LEKR1: variants seen among roughly 807,000 people sequenced by gnomAD.
LEKR1 encodes leucine, glutamate and lysine rich 1, also known as protein LEKR1.
In LEKR1, 59 loss-of-function variants were observed where a neutral mutation model predicts 72.4. That is an observed-to-expected ratio of 0.82 (90% CI 0.66 to 1.01). LEKR1 has a LOEUF of 1.01. Among genes scored for constraint, LEKR1 ranks in the 50% least tolerant of loss-of-function variants. The pLI, the probability that LEKR1 is intolerant of heterozygous loss-of-function variation, is 0.00. For synonymous variants in LEKR1, 257 were observed against 263.2 expected (o/e 0.98, Z 0.23); for missense variants, 728 against 759.2 (o/e 0.96, Z 0.48).
rs575153749 is a variant in LEKR1, at chr3:157,041,751, CAT to C, written c.1669-3587_1669-3586del. On this transcript the variant is annotated intron_variant, in intron 12 of 12. Coordinates refer to ENST00000356539, the MANE Select transcript of LEKR1 (RefSeq NM_001004316.3). Reference sequence around the variant, plus strand: ...TGGCCAAAGATAATTTTATCTAAAACATAGAATATTGTGCATGATTTTCAGTC... The same window carrying C: ...TGGCCAAAGATAATTTTATCTAAAACAGAATATTGTGCATGATTTTCAGTC... Among the ~76,000 whole-genome samples the C allele has an allele frequency of 1.6e-4, 25 of 151,998 alleles. No individual in the cohort carries two copies. In the East Asian group the frequency reaches 4.8e-3, roughly 29 times the overall value.
chr3:156,975,634 C>T (rs1729625068), intron 6 of LEKR1, among the ~76,000 whole-genome samples: 1 of 152,174 alleles, frequency 6.6e-6, no homozygotes, highest in Non-Finnish European at 1.5e-5. Flanking sequence ...TCTTAAATGA[C>T]TGATTATCCC....
chr3:156,861,017 G>A (rs1408741428), intron 3 of LEKR1, among the ~76,000 whole-genome samples: 2 of 152,166 alleles, frequency 1.3e-5, no homozygotes, highest in Non-Finnish European at 2.9e-5. Flanking sequence ...TTCACCTTAT[G>A]TGCTATTGGT....
intron 3 of LEKR1, among the ~76,000 whole-genome samples, chr3:156,881,607 A>C (rs1299205908): frequency 6.6e-6 from 1 of 151,446 alleles, no homozygotes. Flanking sequence ...TGCCATCCCC[A>C]TCAAGCTACC....
At chr3:156,895,347 C>T (rs1184364260) in intron 3 of LEKR1, among the ~76,000 whole-genome samples, 2 of 152,200 alleles carry the variant, frequency 1.3e-5, no homozygotes. Context: ...GGTGCAGTGG[C>T]TCACACCTTT....
At chr3:156,934,306 G>A (rs1725506117) in intron 5 of LEKR1, among the ~76,000 whole-genome samples, 1 of 152,168 alleles carries the variant, frequency 6.6e-6, no homozygotes, top group South Asian at 2.1e-4. Flanking sequence ...TAGGTGCTCA[G>A]TGAACTTTGT....
chr3:156,960,321 T>C (rs1464286663), intron 6 of LEKR1, among the ~76,000 whole-genome samples: 2 of 152,222 alleles, frequency 1.3e-5, no homozygotes, highest in Non-Finnish European at 2.9e-5. Flanking sequence ...AGTCTCACTC[T>C]GTTGCCCAGA....
chr3:156,881,673 A>G (rs1482220283), intron 3 of LEKR1, among the ~76,000 whole-genome samples: 2 of 148,682 alleles, frequency 1.3e-5, no homozygotes, highest in East Asian at 3.9e-4. Flanking sequence ...ATGGAACCAA[A>G]AAAGAGCCCG....
intron 3 of LEKR1, among the ~76,000 whole-genome samples, chr3:156,867,973 G>A (rs549681646): frequency 6.6e-5 from 10 of 152,182 alleles, no homozygotes; most frequent in African/African-American, 2.4e-4. Context: ...CTTATGTGTT[G>A]TTGTATATTG....
At chr3:156,921,251 C>T (rs550004133) in intron 4 of LEKR1, among the ~76,000 whole-genome samples, 1 of 151,878 alleles carries the variant, frequency 6.6e-6, no homozygotes, top group Non-Finnish European at 1.5e-5. Context: ...AGAATAGTTC[C>T]TTTTTGAATT....
chr3:156,865,474 T>A (rs1717199780), intron 3 of LEKR1, among the ~76,000 whole-genome samples: 1 of 152,052 alleles, frequency 6.6e-6, no homozygotes, highest in Admixed American at 6.6e-5. Flanking sequence ...CTGAGCATTA[T>A]CTTTGATTCT....
chr3:156,949,687 C>T (rs530741494), intron 6 of LEKR1, among the ~76,000 whole-genome samples: 1 of 151,296 alleles, frequency 6.6e-6, no homozygotes, highest in South Asian at 2.1e-4. Context: ...TACAAGAATT[C>T]TCAAGTAGAG....
chr3:156,934,961 A>G (rs1311208575), intron 5 of LEKR1, among the ~76,000 whole-genome samples: 2 of 152,176 alleles, frequency 1.3e-5, no homozygotes, highest in Non-Finnish European at 2.9e-5. Flanking sequence ...GCTATTGTAA[A>G]TAAGGCATCA....
In LEKR1 at chr3:157,005,361, A is replaced by C. The variant is rs116279370; in HGVS notation, c.1110-6052A>C. Among the ~76,000 whole-genome samples the C allele has an allele frequency of 5.7e-3, 864 of 152,234 alleles. 4 individuals carry two copies. The highest frequency in any genetic ancestry group is 0.02 in the African/African-American group (813 of 41,568). On this transcript the variant is annotated intron_variant, in intron 9 of 12. Transcript: ENST00000356539. ...TCCAGCCCAGAGGTTTTACTGGTGA[A>C]TTTTACCAAGCATTTAAGGAAAAGA...
chr3:156,875,839 CA>C (rs1197337566), intron 3 of LEKR1, among the ~76,000 whole-genome samples: 2 of 151,630 alleles, frequency 1.3e-5, no homozygotes, highest in South Asian at 4.2e-4. Flanking sequence ...ACTAAAAATA[CA>C]AAAAATTAGC....
At position 156,872,449 on chromosome 3, in the gene LEKR1, G is replaced by A. The variant is rs1208453056; in HGVS notation, c.263+19467G>A. Among the ~76,000 whole-genome samples the A allele has an allele frequency of 2.0e-5, 3 of 151,566 alleles. 1 individual carries two copies. The highest frequency in any genetic ancestry group is 7.3e-5 in the African/African-American group (3 of 41,256). On this transcript the variant is annotated intron_variant, in intron 3 of 12. Coordinates refer to ENST00000356539, the MANE Select transcript of LEKR1 (RefSeq NM_001004316.3). Reference sequence around the variant, plus strand: ...TGTAGTCTCTATTTTGTTGAGTTCTGCTCCAATCTTTACTATTTCATTCCT... The same window carrying A: ...TGTAGTCTCTATTTTGTTGAGTTCTACTCCAATCTTTACTATTTCATTCCT...
intron 4 of LEKR1, among the ~76,000 whole-genome samples, chr3:156,921,750 G>A (rs907738487): frequency 6.6e-6 from 1 of 152,138 alleles, no homozygotes; most frequent in African/African-American, 2.4e-5. Context: ...ATCCACCAAA[G>A]CCTTCATGGA....
intron 11 of LEKR1, among the ~76,000 whole-genome samples, chr3:157,025,448 G>T (rs147819800): frequency 6.6e-6 from 1 of 152,114 alleles, no homozygotes; most frequent in African/African-American, 2.4e-5. Flanking sequence ...CTTGAGTGTA[G>T]AGTGTGTATG....
intron 5 of LEKR1, among the ~76,000 whole-genome samples, chr3:156,932,371 C>A (rs1469268213): frequency 6.6e-6 from 1 of 152,052 alleles, no homozygotes; most frequent in East Asian, 1.9e-4. Flanking sequence ...TGAAATTTAA[C>A]TTTAATAATT....
chr3:157,026,429 T>G (rs1734197216), intron 11 of LEKR1, among the ~76,000 whole-genome samples: 2 of 152,184 alleles, frequency 1.3e-5, no homozygotes, highest in Admixed American at 1.3e-4. Context: ...TTGACTGCCT[T>G]TTAAAAAATA....
Sources: allele counts gnomAD v4.1 joint callset (sites outside exome capture counted in the v4.1 genomes callset), GRCh38; gene constraint gnomAD v4.1.1; transcripts MANE v1.5; gene names NCBI Gene and HGNC (gene_info 2026-07-23, HGNC 2026-07-21).